Variants in AGTPBP1 observed in about 807,000 individuals in gnomAD.
AGTPBP1 encodes cytosolic carboxypeptidase 1.
A neutral mutation model predicts 143.9 loss-of-function variants in AGTPBP1; 70 were observed. That is an observed-to-expected ratio of 0.49 (90% confidence interval 0.40 to 0.59). The LOEUF is 0.59. Ranked by LOEUF, AGTPBP1 falls within the 20% of genes least tolerant of loss-of-function variation. The pLI, the probability that AGTPBP1 is intolerant of heterozygous loss-of-function variation, is 0.00. For synonymous variants in AGTPBP1, 463 were observed against 500.2 expected, an observed-to-expected ratio of 0.93 and a Z score of 0.99; for missense variants, 1,229 against 1,464.5, an observed-to-expected ratio of 0.84 and a Z score of 2.62.
At chr9:85,738,968 C>A (rs766957164) in intron 1 of AGTPBP1, among the ~76,000 whole-genome samples, 10 of 151,998 alleles carry the variant, frequency 6.6e-5, no homozygotes, top group Non-Finnish European at 1.5e-4. Context: ...GGGCTAAGCA[C>A]TTTACTTGTA....
chr9:85,552,146 C>T (rs550784658), intron 25 of AGTPBP1, among the ~76,000 whole-genome samples: 3 of 152,320 alleles, frequency 2.0e-5, no homozygotes, highest in African/African-American at 7.2e-5. Flanking sequence ...CAAATCCTGT[C>T]ATGCTGCTTC....
rs1393926871 is a variant in AGTPBP1 at position 85,729,052 on chromosome 9, A to C, written c.-34+12723T>G. On this transcript the variant is annotated intron_variant, in intron 1 of 25. Coordinates refer to ENST00000357081, the MANE Select transcript of AGTPBP1 (RefSeq NM_001330701.2). ...ATTAAAATCAGCTAGTAGTAGCATA[A>C]AGACAGACATACAGACCAATGGAAT... 2.0e-5 allele frequency among the ~76,000 whole-genome samples: 3 copies of C among 152,228 alleles called. No homozygotes were observed. In the East Asian group the frequency reaches 5.8e-4, roughly 29 times the overall value.
chr9:85,560,309 G>A (rs1826625209), intron 25 of AGTPBP1, among the ~76,000 whole-genome samples: 1 of 152,148 alleles, frequency 6.6e-6, no homozygotes, highest in African/African-American at 2.4e-5. Flanking sequence ...GTTTTAGGGT[G>A]GAATTGAAAA....
At chr9:85,700,982 A>G (rs1836607460) in intron 2 of AGTPBP1, among the ~76,000 whole-genome samples, 1 of 152,050 alleles carries the variant, frequency 6.6e-6, no homozygotes, top group East Asian at 1.9e-4. Flanking sequence ...CAGTGGCGCA[A>G]TCTCGGCTCA....
intron 7 of AGTPBP1, among the ~76,000 whole-genome samples, chr9:85,670,445 TTTAA>T (rs1163104396): frequency 2.0e-5 from 3 of 152,200 alleles, no homozygotes; most frequent in Non-Finnish European, 4.4e-5. Context: ...TAATGAGGAC[TTTAA>T]TTAAAGCAAG....
chr9:85,678,265 T>A (rs976611407), intron 5 of AGTPBP1, 70 bp downstream of exon 5: 1 of 1,067,330 alleles, frequency 9.4e-7, no homozygotes, highest in Non-Finnish European at 1.4e-6. Context: ...AAATTCCAAA[T>A]AAAGTGAATA....
the AGTPBP1 span, chr9:85,774,004 A>G: frequency 3.1e-6 from 5 of 1,610,354 alleles, no homozygotes. Context: ...GAGCACGAAC[A>G]AAAGATGCAG....
At chr9:85,604,207 C>T (rs1243622008) in intron 17 of AGTPBP1, among the ~76,000 whole-genome samples, 1 of 152,146 alleles carries the variant, frequency 6.6e-6, no homozygotes, top group Non-Finnish European at 1.5e-5. Flanking sequence ...AGTATAGTAC[C>T]AGCGGTGGTG....
At chr9:85,711,593 C>G (rs532958459) in intron 2 of AGTPBP1, among the ~76,000 whole-genome samples, 85 of 151,972 alleles carry the variant, frequency 5.6e-4, no homozygotes, top group Non-Finnish European at 7.4e-5. Context: ...GCGCCTACCA[C>G]CACACCTGGC....
At chr9:85,767,341 C>G in the AGTPBP1 span, among the ~76,000 whole-genome samples, 3 of 148,474 alleles carry the variant, frequency 2.0e-5, no homozygotes, top group Non-Finnish European at 3.0e-5. Context: ...ACTACCATGC[C>G]CAGCTAATTT....
chr9:85,686,580 C>T (rs1333294963), intron 3 of AGTPBP1, among the ~76,000 whole-genome samples: 1 of 152,126 alleles, frequency 6.6e-6, no homozygotes, highest in Non-Finnish European at 1.5e-5. Context: ...TCCTGCTCTT[C>T]ATTCAGAACT....
rs1477150784 is a variant in AGTPBP1 at position 85,645,663 on chromosome 9, T to TA, written c.1185+657dup. Among the ~76,000 whole-genome samples, 6 of 151,542 alleles carry TA rather than the reference T, an allele frequency of 4.0e-5. No individual in the cohort carries two copies. The South Asian group carries it at 6.2e-4, about 16-fold the overall frequency. ...AGTCAAATTAATCCCTCCTCCCCCA[T>TA]AAAAAAAACCCAGCAATAGGCTAAA... On this transcript the variant is annotated intron_variant, in intron 12 of 25. Transcript: ENST00000357081.
intron 25 of AGTPBP1, among the ~76,000 whole-genome samples, chr9:85,551,634 A>G (rs903058039): frequency 6.6e-6 from 1 of 152,228 alleles, no homozygotes; most frequent in Non-Finnish European, 1.5e-5. Flanking sequence ...CTCAGTTTTT[A>G]TCCCACAGAT....
chr9:85,712,080 A>G (rs1238615685), intron 2 of AGTPBP1, among the ~76,000 whole-genome samples: 3 of 152,128 alleles, frequency 2.0e-5, no homozygotes, highest in Non-Finnish European at 4.4e-5. Context: ...CCTGGACAAC[A>G]TAGTGAAACC....
chr9:85,592,379 T>C (rs973333106), intron 19 of AGTPBP1, among the ~76,000 whole-genome samples, 181 bp downstream of exon 19: 3 of 152,122 alleles, frequency 2.0e-5, no homozygotes, highest in African/African-American at 2.4e-5. Flanking sequence ...TTAACTAAAC[T>C]TAATTTTCCT....
chr9:85,794,392 G>A, the AGTPBP1 span, among the ~76,000 whole-genome samples: 18 of 152,058 alleles, frequency 1.2e-4, no homozygotes, highest in Admixed American at 7.9e-4. Flanking sequence ...ATATCCAGTT[G>A]TGTCAATACA....
intron 6 of AGTPBP1, among the ~76,000 whole-genome samples, chr9:85,676,605 C>T (rs751556047): frequency 1.2e-4 from 18 of 152,064 alleles, no homozygotes; most frequent in African/African-American, 2.2e-4. Context: ...TAAGTTACTA[C>T]AGCCACTATG....
At chr9:85,791,042 G>C in the AGTPBP1 span, among the ~76,000 whole-genome samples, 21 of 152,214 alleles carry the variant, frequency 1.4e-4, no homozygotes, top group East Asian at 3.9e-3. Context: ...CATATATAAA[G>C]CAAGGTATAA....
At chr9:85,789,634 A>T in the AGTPBP1 span, among the ~76,000 whole-genome samples, 2 of 152,172 alleles carry the variant, frequency 1.3e-5, no homozygotes, top group South Asian at 2.1e-4. Context: ...CTTTTTGTTA[A>T]TGTATTTTTT....
Sources: allele counts gnomAD v4.1 joint callset (sites outside exome capture counted in the v4.1 genomes callset), GRCh38; gene constraint gnomAD v4.1.1; transcripts MANE v1.5; gene names NCBI Gene and HGNC (gene_info 2026-07-23, HGNC 2026-07-21).